MACROD2: variants seen among roughly 807,000 people sequenced by gnomAD.
The protein encoded by MACROD2 is ADP-ribose glycohydrolase MACROD2.
A neutral mutation model predicts 70.4 loss-of-function variants in MACROD2; 36 were observed. That is an observed-to-expected ratio of 0.51 (90% CI 0.39 to 0.68). The LOEUF (loss-of-function observed/expected upper bound fraction) is 0.68. Among genes scored for constraint, MACROD2 ranks in the 30% least tolerant of loss-of-function variants. The pLI is 0.00. For missense variants in MACROD2, 496 were observed against 538.4 expected (o/e 0.92, Z 0.78); for synonymous variants, 172 against 178.8 (o/e 0.96, Z 0.30).
At chr20:15,584,223 G>T (rs774890819) in intron 8 of MACROD2, among the ~76,000 whole-genome samples, 1 of 152,114 alleles carries the variant, frequency 6.6e-6, no homozygotes, top group Non-Finnish European at 1.5e-5. Context: ...AGAGAGTGGG[G>T]GCCAGGTTTA....
chr20:15,659,942 T>C (rs2049795198), intron 8 of MACROD2, among the ~76,000 whole-genome samples: 1 of 152,184 alleles, frequency 6.6e-6, no homozygotes, highest in African/African-American at 2.4e-5. Context: ...TCATTAGAAT[T>C]GCAGTTTTAC....
At chr20:15,239,537 A>G (rs1036649090) in intron 6 of MACROD2, among the ~76,000 whole-genome samples, 1 of 152,198 alleles carries the variant, frequency 6.6e-6, no homozygotes, top group Non-Finnish European at 1.5e-5. Flanking sequence ...GTTTGAATTT[A>G]TAATTATGAA....
At chr20:15,584,032 TA>T (rs2048562940) in intron 8 of MACROD2, among the ~76,000 whole-genome samples, 1 of 152,178 alleles carries the variant, frequency 6.6e-6, no homozygotes, top group Admixed American at 6.5e-5. Flanking sequence ...AACTAAACTT[TA>T]AAAGTTAGGA....
chr20:14,964,588 AT>A (rs2074614874), intron 5 of MACROD2, among the ~76,000 whole-genome samples: 2 of 151,432 alleles, frequency 1.3e-5, no homozygotes, highest in Admixed American at 6.6e-5. Flanking sequence ...AATAAAAAAA[AT>A]AAAAAAAAAA....
At chr20:14,263,788 C>A (rs2082119883) in intron 3 of MACROD2, among the ~76,000 whole-genome samples, 1 of 151,490 alleles carries the variant, frequency 6.6e-6, no homozygotes, top group African/African-American at 2.4e-5. Flanking sequence ...TGGTGAAATC[C>A]CGACTCCACA....
chr20:14,729,773 C>T (rs974029185), intron 5 of MACROD2, among the ~76,000 whole-genome samples: 2 of 151,746 alleles, frequency 1.3e-5, no homozygotes, highest in African/African-American at 4.8e-5. Context: ...TTAAAATGGT[C>T]ACAAACTCAG....
At chr20:14,129,862 T>G (rs2054696190) in intron 3 of MACROD2, among the ~76,000 whole-genome samples, 1 of 152,254 alleles carries the variant, frequency 6.6e-6, no homozygotes, top group Non-Finnish European at 1.5e-5. Flanking sequence ...ATGTGCATTG[T>G]GTTTTTAGAC....
intron 3 of MACROD2, among the ~76,000 whole-genome samples, chr20:14,301,455 A>C (rs977897636): frequency 6.6e-6 from 1 of 152,200 alleles, no homozygotes; most frequent in Non-Finnish European, 1.5e-5. Flanking sequence ...AATAAACCTC[A>C]TACTGTAAGT....
At chr20:15,757,993 C>T (rs1482669916) in intron 8 of MACROD2, among the ~76,000 whole-genome samples, 2 of 152,148 alleles carry the variant, frequency 1.3e-5, no homozygotes, top group East Asian at 3.9e-4. Context: ...ACCATGCCCA[C>T]AAAAAGTCTC....
intron 3 of MACROD2, among the ~76,000 whole-genome samples, chr20:14,307,489 G>C (rs2082530757): frequency 6.6e-6 from 1 of 152,088 alleles, no homozygotes; most frequent in Non-Finnish European, 1.5e-5. Flanking sequence ...ATTGGTTTGA[G>C]AAACTATTGC....
chr20:14,273,259 G>T (rs2082214757), intron 3 of MACROD2, among the ~76,000 whole-genome samples: 1 of 152,042 alleles, frequency 6.6e-6, no homozygotes, highest in Non-Finnish European at 1.5e-5. Context: ...GCTCTCCTCA[G>T]CAAATTTAAA....
intron 3 of MACROD2, among the ~76,000 whole-genome samples, chr20:14,244,141 T>C (rs2081950784): frequency 6.6e-6 from 1 of 152,326 alleles, no homozygotes; most frequent in Non-Finnish European, 1.5e-5. Flanking sequence ...AATACTGATA[T>C]TGTCTCCATT....
chr20:14,383,259 C>A (rs74496326), intron 3 of MACROD2, among the ~76,000 whole-genome samples: 1 of 152,112 alleles, frequency 6.6e-6, no homozygotes, highest in African/African-American at 2.4e-5. Context: ...ATCTCCGCTG[C>A]CCCAGACTGA....
chr20:14,810,189 A>C (rs1157880269), intron 5 of MACROD2, among the ~76,000 whole-genome samples: 1 of 152,166 alleles, frequency 6.6e-6, no homozygotes, highest in African/African-American at 2.4e-5. Flanking sequence ...GAAAATCCTC[A>C]ATAAAATACT....
intron 15 of MACROD2, among the ~76,000 whole-genome samples, chr20:15,989,013 A>G (rs1213664629): frequency 3.9e-5 from 6 of 152,146 alleles, no homozygotes; most frequent in African/African-American, 7.2e-5. Flanking sequence ...TACTTAACCT[A>G]TCTGCTTCAG....
intron 4 of MACROD2, among the ~76,000 whole-genome samples, chr20:14,682,018 A>C (rs530378330): frequency 6.6e-6 from 1 of 152,280 alleles, no homozygotes; most frequent in African/African-American, 2.4e-5. Flanking sequence ...CATTTGGTAC[A>C]TTTAAGCTGT....
chr20:15,497,787 T>G (rs1369469551), intron 7 of MACROD2, among the ~76,000 whole-genome samples: 2 of 152,194 alleles, frequency 1.3e-5, no homozygotes. Context: ...TCTTTCTAAC[T>G]TAGTCCTCTT....
rs1399609791 is a variant in MACROD2, at chr20:15,744,690, G to GTA, written c.646-118052_646-118051dup. On this transcript the variant is annotated intron_variant, in intron 8 of 17. Coordinates refer to ENST00000684519, the MANE Select transcript of MACROD2 (RefSeq NM_001351661.2). ...ACAGTTGCAAAGAGACAGAAACCAA[G>GTA]TATACACACACACACACACACACAC... 1.3e-4 allele frequency among the ~76,000 whole-genome samples: 12 copies of GTA among 94,162 alleles called. 1 individual carries two copies. The South Asian group carries it at 5.1e-3, about 40-fold the overall frequency. 61.8% of individuals were successfully genotyped at this position (94,162 alleles called of 152,430 possible).
intron 3 of MACROD2, among the ~76,000 whole-genome samples, chr20:14,333,500 G>A (rs1482746214): frequency 6.6e-6 from 1 of 152,104 alleles, no homozygotes; most frequent in Non-Finnish European, 1.5e-5. Context: ...TTTAGAGAGT[G>A]GTGAAGGTAA....
Sources: gnomAD v4.1 joint callset for allele counts (sites outside exome capture counted in the v4.1 genomes callset) on GRCh38, gnomAD v4.1.1 for gene constraint, MANE v1.5 for transcripts, NCBI Gene and HGNC (gene_info 2026-07-23, HGNC 2026-07-21) for gene names.